RBMS3: variants seen among roughly 807,000 people sequenced by gnomAD.
The protein encoded by RBMS3 is RNA-binding motif, single-stranded-interacting protein 3.
Under a neutral mutation model 66.8 loss-of-function variants are expected in RBMS3, and 27 were observed. The ratio of observed to expected loss-of-function variants is 0.40; its 90% CI spans 0.30 to 0.56. The LOEUF is 0.56. RBMS3 is among the 20% of genes least tolerant of loss of function. RBMS3 has a pLI of 0.40. For missense variants in RBMS3, 513 were observed against 549.5 expected (o/e 0.93, Z 0.66); for synonymous variants, 188 against 183.0 (o/e 1.03, Z -0.22).
At position 29,751,306 on chromosome 3, in the gene RBMS3, A is replaced by G. The variant is rs1373778509; in HGVS notation, c.557+11429A>G. Among the ~76,000 whole-genome samples the G allele has an allele frequency of 3.3e-5, 5 of 152,284 alleles. No individual in the cohort carries two copies. In the East Asian group the frequency reaches 9.6e-4, roughly 29 times the overall value. On this transcript the variant is annotated intron_variant, in intron 5 of 14. Transcript: ENST00000383767. ...AAAACATTATGACCAAATCTGTCCA[A>G]TCTCAATCAGCTTTGACCTCACAAA...
intron 5 of RBMS3, among the ~76,000 whole-genome samples, chr3:29,745,247 T>C (rs980646120): frequency 8.2e-6 from 1 of 121,592 alleles, no homozygotes; most frequent in African/African-American, 2.8e-5. Flanking sequence ...TGTGTGTGTG[T>C]GTTTTTTTTT....
intron 6 of RBMS3, among the ~76,000 whole-genome samples, chr3:29,854,627 C>T (rs979034436): frequency 2.0e-5 from 3 of 151,148 alleles, no homozygotes; most frequent in African/African-American, 4.9e-5. Context: ...TAACTTTCTT[C>T]GAGATAATCC....
intron 8 of RBMS3, among the ~76,000 whole-genome samples, chr3:29,887,702 C>T (rs1305026761): frequency 6.6e-6 from 1 of 151,678 alleles, no homozygotes; most frequent in Non-Finnish European, 1.5e-5. Flanking sequence ...CACTAAGACT[C>T]ACTAAGTCTC....
intron 12 of RBMS3, among the ~76,000 whole-genome samples, chr3:29,956,957 G>T (rs899554616): frequency 1.3e-5 from 2 of 151,994 alleles, no homozygotes; most frequent in Non-Finnish European, 2.9e-5. Context: ...TCAGTTTCTG[G>T]GATGGGCCAA....
chr3:29,311,715 G>T (rs1046491932), intron 1 of RBMS3, among the ~76,000 whole-genome samples: 2 of 151,778 alleles, frequency 1.3e-5, no homozygotes, highest in Non-Finnish European at 2.9e-5. Context: ...ATTTAGAAAG[G>T]TTTGCTTGAT....
chr3:29,992,803 G>T (rs542395619), intron 14 of RBMS3, among the ~76,000 whole-genome samples: 1 of 119,350 alleles, frequency 8.4e-6, no homozygotes, highest in South Asian at 2.5e-4. Flanking sequence ...AAATGTAGGG[G>T]ATGAGAAAAT....
At chr3:29,430,579 A>G (rs1232361936) in intron 1 of RBMS3, among the ~76,000 whole-genome samples, 11 of 152,154 alleles carry the variant, frequency 7.2e-5, no homozygotes, top group Admixed American at 7.2e-4. Context: ...GCATCATGCA[A>G]TTTACTAAAT....
At chr3:29,370,640 T>C (rs2038151284) in intron 1 of RBMS3, among the ~76,000 whole-genome samples, 1 of 152,188 alleles carries the variant, frequency 6.6e-6, no homozygotes, top group East Asian at 1.9e-4. Context: ...TCAGTTCTAG[T>C]ATTAAATCAA....
chr3:29,960,476 G>A (rs1009265223), intron 12 of RBMS3, among the ~76,000 whole-genome samples: 2 of 152,180 alleles, frequency 1.3e-5, no homozygotes, highest in Non-Finnish European at 2.9e-5. Context: ...TACCATTCTG[G>A]GATCTGGAAG....
intron 6 of RBMS3, among the ~76,000 whole-genome samples, chr3:29,770,806 A>G (rs2056167252): frequency 6.6e-6 from 1 of 152,024 alleles, no homozygotes; most frequent in Non-Finnish European, 1.5e-5. Context: ...CTTAAGACCA[A>G]TTAACACACA....
At chr3:29,538,280 G>T (rs572018001) in intron 3 of RBMS3, among the ~76,000 whole-genome samples, 1 of 152,080 alleles carries the variant, frequency 6.6e-6, no homozygotes, top group African/African-American at 2.4e-5. Context: ...CAATTTATGC[G>T]CCCTGGATTT....
intron 1 of RBMS3, among the ~76,000 whole-genome samples, chr3:29,382,827 G>A (rs551027840): frequency 1.6e-4 from 23 of 143,206 alleles, no homozygotes; most frequent in Non-Finnish European, 2.9e-4. Flanking sequence ...AGACATCCTG[G>A]ATTTGTTATT....
intron 6 of RBMS3, among the ~76,000 whole-genome samples, chr3:29,782,274 C>T (rs2149411866): frequency 6.6e-6 from 1 of 152,326 alleles, no homozygotes; most frequent in Non-Finnish European, 1.5e-5. Context: ...CTCACAGAGT[C>T]CACTTCACTC....
intron 4 of RBMS3, among the ~76,000 whole-genome samples, chr3:29,603,595 C>A (rs2048221539): frequency 6.6e-6 from 1 of 151,964 alleles, no homozygotes; most frequent in Non-Finnish European, 1.5e-5. Flanking sequence ...TTGGTCAGTT[C>A]AGCTACCTCC....
At chr3:29,771,854 T>A (rs1160413568) in intron 6 of RBMS3, among the ~76,000 whole-genome samples, 1 of 151,862 alleles carries the variant, frequency 6.6e-6, no homozygotes, top group Non-Finnish European at 1.5e-5. Context: ...GACAACCAGA[T>A]CTTGTGAGAA....
At chr3:29,706,916 T>C (rs1272244493) in intron 4 of RBMS3, among the ~76,000 whole-genome samples, 1 of 152,204 alleles carries the variant, frequency 6.6e-6, no homozygotes, top group African/African-American at 2.4e-5. Flanking sequence ...TACAGACTTT[T>C]TTAAAAGATG....
intron 2 of RBMS3, among the ~76,000 whole-genome samples, chr3:29,455,500 G>A (rs2042155999): frequency 6.6e-6 from 1 of 151,204 alleles, no homozygotes. Context: ...ATTCCCACAA[G>A]CCTCTGATCA....
At chr3:29,486,495 C>T (rs2043324114) in intron 2 of RBMS3, among the ~76,000 whole-genome samples, 1 of 152,032 alleles carries the variant, frequency 6.6e-6, no homozygotes, top group South Asian at 2.1e-4. Context: ...CTTTTTTGGA[C>T]TCTGTGTGTG....
chr3:29,510,439 G>C (rs2044350849), intron 3 of RBMS3, among the ~76,000 whole-genome samples: 1 of 152,032 alleles, frequency 6.6e-6, no homozygotes, highest in Non-Finnish European at 1.5e-5. Context: ...CTTTATAGAG[G>C]GTTCCCTGCC....
Sources: gnomAD v4.1 joint callset for allele counts (sites outside exome capture counted in the v4.1 genomes callset) on GRCh38, gnomAD v4.1.1 for gene constraint, MANE v1.5 for transcripts, NCBI Gene and HGNC (gene_info 2026-07-23, HGNC 2026-07-21) for gene names.